SGMS1: variants seen among roughly 807,000 people sequenced by gnomAD.
SGMS1 encodes sphingomyelin synthase 1.
SGMS1 carries 13 observed loss-of-function variants against 46.2 expected under a neutral mutation model. That is an observed-to-expected ratio of 0.28 (90% CI 0.18 to 0.45). The LOEUF is 0.45. Among genes scored for constraint, SGMS1 ranks in the 20% least tolerant of loss-of-function variants. The pLI is 1.00. For missense variants in SGMS1, 324 were observed against 519.9 expected (o/e 0.62, Z 3.66); for synonymous variants, 203 against 187.8 (o/e 1.08, Z -0.66).
intron 6 of SGMS1, among the ~76,000 whole-genome samples, chr10:50,405,432 G>A (rs1051982750): frequency 6.6e-6 from 1 of 152,172 alleles, no homozygotes; most frequent in African/African-American, 2.4e-5. Flanking sequence ...GGACAAGGCT[G>A]AGTATTTCTC....
At chr10:50,392,562 A>G (rs1051593809) in intron 6 of SGMS1, among the ~76,000 whole-genome samples, 3 of 152,210 alleles carry the variant, frequency 2.0e-5, no homozygotes, top group South Asian at 2.1e-4. Context: ...CTCAGGATCC[A>G]TGAAGACCAG....
intron 3 of SGMS1, among the ~76,000 whole-genome samples, chr10:50,502,690 C>T (rs1426484822): frequency 3.3e-5 from 5 of 152,150 alleles, no homozygotes; most frequent in Admixed American, 2.0e-4. Flanking sequence ...AAATACTTTC[C>T]TTTTCAGTCC....
chr10:50,461,485 T>C (rs1837263758), intron 4 of SGMS1, among the ~76,000 whole-genome samples: 1 of 152,178 alleles, frequency 6.6e-6, no homozygotes, highest in African/African-American at 2.4e-5. Context: ...AGGTAGTATA[T>C]TTTAGTTCGA....
intron 2 of SGMS1, among the ~76,000 whole-genome samples, chr10:50,560,352 ATAT>A (rs1259600209): frequency 5.8e-5 from 8 of 138,048 alleles, no homozygotes; most frequent in Admixed American, 3.0e-4. Flanking sequence ...TTAATAATAT[ATAT>A]TATAATACAT....
At chr10:50,536,455 A>T (rs1838003159) in intron 2 of SGMS1, among the ~76,000 whole-genome samples, 1 of 152,230 alleles carries the variant, frequency 6.6e-6, no homozygotes, top group South Asian at 2.1e-4. Context: ...TAGAACTACC[A>T]GGAATATTTG....
At chr10:50,495,060 A>C (rs1588853142) in intron 3 of SGMS1, among the ~76,000 whole-genome samples, 1 of 81,556 alleles carries the variant, frequency 1.2e-5, no homozygotes, top group East Asian at 2.6e-4. Flanking sequence ...AATAAAAAAA[A>C]ATACAAAAAA....
rs895652655 is a variant in SGMS1 at position 50,344,256 on chromosome 10, A to G, written c.-142T>C. 1.7e-6 allele frequency: 2 copies of G among 1,182,854 alleles called. No homozygotes were observed. The highest frequency in any genetic ancestry group is 2.3e-6 in the Non-Finnish European group (2 of 865,410). 73.3% of individuals were successfully genotyped at this position (1,182,854 alleles called of 1,614,324 possible). On this transcript the variant is annotated 5_prime_UTR_variant, in exon 7 of 11. Transcript: ENST00000361781. Reference sequence around the variant, plus strand: ...CAGAGACTTGTTTGGCAAGATGGTCAGGGCAGTTTTTAAACACCTCATGTA... The same window carrying G: ...CAGAGACTTGTTTGGCAAGATGGTCGGGGCAGTTTTTAAACACCTCATGTA...
At chr10:50,366,775 G>C (rs1446443932) in intron 6 of SGMS1, among the ~76,000 whole-genome samples, 1 of 152,046 alleles carries the variant, frequency 6.6e-6, no homozygotes, top group Non-Finnish European at 1.5e-5. Context: ...CACAGGGAGG[G>C]GAACATCACA....
chr10:50,537,255 C>A (rs1838010177), intron 2 of SGMS1, among the ~76,000 whole-genome samples: 1 of 151,978 alleles, frequency 6.6e-6, no homozygotes, highest in African/African-American at 2.4e-5. Context: ...ACAAAGTAAC[C>A]TTTTCTCCAG....
chr10:50,482,757 G>C (rs113854521), intron 3 of SGMS1, among the ~76,000 whole-genome samples: 31 of 152,266 alleles, frequency 2.0e-4, no homozygotes, highest in African/African-American at 7.2e-4. Flanking sequence ...AAAAGACACA[G>C]AATGGCAAGC....
intron 1 of SGMS1, among the ~76,000 whole-genome samples, chr10:50,620,532 T>G (rs922505182): frequency 2.6e-5 from 4 of 152,216 alleles, no homozygotes; most frequent in African/African-American, 9.7e-5. Flanking sequence ...AAATCACCAT[T>G]GATCAAATTT....
chr10:50,328,779 T>C (rs1286620167), intron 7 of SGMS1, among the ~76,000 whole-genome samples: 1 of 152,224 alleles, frequency 6.6e-6, no homozygotes, highest in East Asian at 1.9e-4. Context: ...CTTGGCAATC[T>C]ATATGCCTCT....
chr10:50,353,215 C>T lies in SGMS1; in HGVS notation c.-231-8870G>A, dbSNP rs1251666888. Among the ~76,000 whole-genome samples the T allele has an allele frequency of 2.0e-5, 3 of 152,408 alleles. No individual in the cohort carries two copies. The East Asian group carries it at 5.8e-4, about 29-fold the overall frequency. On this transcript the variant is annotated intron_variant, in intron 6 of 10. Coordinates refer to ENST00000361781, the MANE Select transcript of SGMS1 (RefSeq NM_147156.4). Reference sequence around the variant, plus strand: ...TAAAATACTGGCAAACCGAATCCAGCAGCACATCAAAAAGCTTCTCCACCA... The same window carrying T: ...TAAAATACTGGCAAACCGAATCCAGTAGCACATCAAAAAGCTTCTCCACCA...
Position 50,307,437 on chromosome 10 carries a change from T to A in SGMS1, c.1063-116A>T. ...TACCTGCCCTGCGTGTCCACCCACA[T>A]ATCCCAGCTTCTCTCTCTCATCACC... On this transcript the variant is annotated intron_variant, in intron 10 of 10. Transcript: ENST00000361781. This position sits in a 1 kb window ranked among gnomAD's most constrained non-coding sequence, Gnocchi z 4.2. 1 of 766,420 alleles carries A rather than the reference T, an allele frequency of 1.3e-6. No individual in the cohort carries two copies. The highest frequency in any genetic ancestry group is 2.1e-6 in the Non-Finnish European group (1 of 481,182). 47.5% of individuals were successfully genotyped at this position (766,420 alleles called of 1,614,324 possible).
At chr10:50,389,282 T>C (rs932452137) in intron 6 of SGMS1, among the ~76,000 whole-genome samples, 1 of 152,188 alleles carries the variant, frequency 6.6e-6, no homozygotes, top group East Asian at 1.9e-4. Flanking sequence ...AAACTACATG[T>C]AAATTTTGTG....
At chr10:50,363,034 T>G (rs990400766) in intron 6 of SGMS1, among the ~76,000 whole-genome samples, 1 of 152,266 alleles carries the variant, frequency 6.6e-6, no homozygotes, top group African/African-American at 2.4e-5. Context: ...ACATCTTTTT[T>G]GGGGGGTGAA....
At chr10:50,589,546 TAC>T (rs1838520100) in intron 2 of SGMS1, among the ~76,000 whole-genome samples, 2 of 152,188 alleles carry the variant, frequency 1.3e-5, no homozygotes, top group Non-Finnish European at 2.9e-5. Context: ...CACGGCTCAC[TAC>T]AGCCTCGACT....
chr10:50,463,334 A>T (rs1228741054), intron 4 of SGMS1, among the ~76,000 whole-genome samples: 1 of 152,222 alleles, frequency 6.6e-6, no homozygotes, highest in Non-Finnish European at 1.5e-5. Context: ...AAAAAGCTAA[A>T]TAATAATTAA....
At chr10:50,525,145 T>C (rs1837889836) in intron 2 of SGMS1, among the ~76,000 whole-genome samples, 1 of 152,158 alleles carries the variant, frequency 6.6e-6, no homozygotes, top group Non-Finnish European at 1.5e-5. Context: ...TCTGGAATAT[T>C]TGAATAATTA....
Sources: allele counts gnomAD v4.1 joint callset (sites outside exome capture counted in the v4.1 genomes callset), GRCh38; gene constraint gnomAD v4.1.1; non-coding constraint Gnocchi (gnomAD v3.1); transcripts MANE v1.5; gene names NCBI Gene and HGNC (gene_info 2026-07-23, HGNC 2026-07-21).